The following IL1RAP variants were observed in gnomAD, a reference collection of about 807,000 sequenced individuals.
The protein encoded by IL1RAP is interleukin 1 receptor accessory protein, also known as interleukin-1 receptor accessory protein.
A neutral mutation model predicts 60.7 loss-of-function variants in IL1RAP; 35 were observed. That is an observed-to-expected ratio of 0.58 (90% CI 0.44 to 0.76). The LOEUF (loss-of-function observed/expected upper bound fraction) is 0.76, where lower values mean the gene tolerates loss of function less well. Among genes scored for constraint, IL1RAP ranks in the 30% least tolerant of loss-of-function variants. The pLI, the probability that IL1RAP is intolerant of heterozygous loss-of-function variation, is 0.00. For missense variants in IL1RAP, 572 were observed against 693.9 expected (o/e 0.82, Z 1.97); for synonymous variants, 268 against 250.9 (o/e 1.07, Z -0.64).
intron 1 of IL1RAP, among the ~76,000 whole-genome samples, chr3:190,521,794 G>T (rs1015972488): frequency 1.3e-5 from 2 of 152,006 alleles, no homozygotes; most frequent in African/African-American, 4.8e-5. Context: ...AGAAAAAGTA[G>T]ATGACTCGGT....
chr3:190,590,758 T>G (rs1052021208), intron 3 of IL1RAP, among the ~76,000 whole-genome samples: 15 of 152,254 alleles, frequency 9.9e-5, no homozygotes, highest in African/African-American at 2.9e-4. Flanking sequence ...CCAGTCTTCC[T>G]GGGTTTGATT....
At chr3:190,606,842 C>T (rs1186449957) in intron 4 of IL1RAP, among the ~76,000 whole-genome samples, 1 of 152,058 alleles carries the variant, frequency 6.6e-6, no homozygotes, top group African/African-American at 2.4e-5. Flanking sequence ...TCTTTAAGGC[C>T]ATAAAGTTAG....
chr3:190,638,615 G>C (rs889596407), intron 9 of IL1RAP, among the ~76,000 whole-genome samples: 1 of 152,108 alleles, frequency 6.6e-6, no homozygotes, highest in Non-Finnish European at 1.5e-5. Context: ...TTTTTTATGA[G>C]ATGTAATTTA....
intron 1 of IL1RAP, among the ~76,000 whole-genome samples, chr3:190,531,338 CT>C (rs902012925): frequency 1.3e-5 from 2 of 152,158 alleles, no homozygotes; most frequent in African/African-American, 4.8e-5. Flanking sequence ...AAAGAACAGG[CT>C]TTTTGTAACC....
chr3:190,592,348 A>G (rs897590719), intron 3 of IL1RAP, among the ~76,000 whole-genome samples: 1 of 152,218 alleles, frequency 6.6e-6, no homozygotes. Flanking sequence ...ACAGGTGGCT[A>G]TTAGATGATG....
chr3:190,555,974 A>ATCTATCTATCTATCTC (rs1000983293), intron 1 of IL1RAP, 156 bp from the exon 2 acceptor site: 1 of 149,530 alleles, frequency 6.7e-6, no homozygotes. Flanking sequence ...CTATCTATCT[A>ATCTATCTATCTATCTC]TCTTCTATAG....
chr3:190,631,200 G>A (rs1732762178), intron 9 of IL1RAP, among the ~76,000 whole-genome samples: 1 of 152,154 alleles, frequency 6.6e-6, no homozygotes, highest in African/African-American at 2.4e-5. Context: ...GGAGCTTTTT[G>A]TGGGGATCAT....
chr3:190,597,519 G>A (rs905097164), intron 3 of IL1RAP, among the ~76,000 whole-genome samples: 1 of 152,110 alleles, frequency 6.6e-6, no homozygotes, highest in Admixed American at 6.6e-5. Context: ...ACAGTTTCTG[G>A]ACTTCAGGGC....
At chr3:190,592,374 C>G (rs1729019467) in intron 3 of IL1RAP, among the ~76,000 whole-genome samples, 1 of 152,184 alleles carries the variant, frequency 6.6e-6, no homozygotes, top group Non-Finnish European at 1.5e-5. Flanking sequence ...GTATTACCTT[C>G]CTTATTCTGC....
In IL1RAP at chr3:190,620,457, T is replaced by A. The variant is rs1476607950; in HGVS notation, c.703+17T>A. On this transcript the variant is annotated intron_variant, in intron 6 of 11. Coordinates refer to ENST00000447382, the MANE Select transcript of IL1RAP (RefSeq NM_002182.4). The stretch of plus-strand genomic sequence containing the variant: ...AGGTAGTAGGTAAGCATGATTAGTG[T>A]CCAGTACACACAACAAGCATGTGAT... 1.3e-6 allele frequency: 2 copies of A among 1,596,268 alleles called. No homozygotes were observed. Among genetic ancestry groups the A allele is most frequent in the Admixed American group, 3.5e-5 (2 of 56,448 alleles).
intron 3 of IL1RAP, among the ~76,000 whole-genome samples, chr3:190,569,405 C>A (rs1225704130): frequency 6.6e-6 from 1 of 152,118 alleles, no homozygotes; most frequent in African/African-American, 2.4e-5. Context: ...GTGTCCTGTC[C>A]CAGTTGCCCA....
chr3:190,525,778 G>C (rs1202902659), intron 1 of IL1RAP, among the ~76,000 whole-genome samples: 1 of 152,164 alleles, frequency 6.6e-6, no homozygotes, highest in Non-Finnish European at 1.5e-5. Context: ...TTTCTCAAAT[G>C]ATACCATTCT....
chr3:190,590,911 A>T (rs867433183), intron 3 of IL1RAP, among the ~76,000 whole-genome samples: 1 of 152,182 alleles, frequency 6.6e-6, no homozygotes, highest in Non-Finnish European at 1.5e-5. Flanking sequence ...CAGAATTTGG[A>T]TTGGAGAGGA....
At chr3:190,606,777 T>G (rs567778186) in intron 4 of IL1RAP, among the ~76,000 whole-genome samples, 1 of 152,172 alleles carries the variant, frequency 6.6e-6, no homozygotes, top group Non-Finnish European at 1.5e-5. Context: ...ACTGAGGAAA[T>G]GTCGAATCTG....
intron 1 of IL1RAP, among the ~76,000 whole-genome samples, chr3:190,554,262 CAAAAAGGAAAA>C (rs1725195859): frequency 6.6e-6 from 1 of 150,896 alleles, no homozygotes; most frequent in Admixed American, 6.6e-5. Flanking sequence ...ATTTATTGGG[CAAAAAGGAAAA>C]AAAAAGGAAA....
chr3:190,557,437 T>C (rs551017645), intron 2 of IL1RAP, among the ~76,000 whole-genome samples: 1 of 152,326 alleles, frequency 6.6e-6, no homozygotes, highest in African/African-American at 2.4e-5. Flanking sequence ...ATATGTCCTC[T>C]CAGAGTGCTG....
At chr3:190,625,443 G>A (rs1269955661) in intron 7 of IL1RAP, among the ~76,000 whole-genome samples, 4 of 152,150 alleles carry the variant, frequency 2.6e-5, no homozygotes, top group Admixed American at 2.6e-4. Context: ...GGGGGCTAGG[G>A]TGACTGGGGA....
At chr3:190,544,548 C>T (rs1284702129) in intron 1 of IL1RAP, among the ~76,000 whole-genome samples, 1 of 152,174 alleles carries the variant, frequency 6.6e-6, no homozygotes, top group East Asian at 1.9e-4. Flanking sequence ...AGGAGTAATA[C>T]ACCCAGTGAG....
chr3:190,599,591 T>C (rs987303793), intron 3 of IL1RAP, among the ~76,000 whole-genome samples: 1 of 152,174 alleles, frequency 6.6e-6, no homozygotes, highest in East Asian at 1.9e-4. Context: ...TCTATTTCTA[T>C]CCATTATTCT....
Sources: allele counts gnomAD v4.1 joint callset (sites outside exome capture counted in the v4.1 genomes callset), GRCh38; gene constraint gnomAD v4.1.1; transcripts MANE v1.5; gene names NCBI Gene and HGNC (gene_info 2026-07-23, HGNC 2026-07-21).